Variants in GALNT17 observed in about 807,000 individuals in gnomAD.
GALNT17 encodes the protein polypeptide N-acetylgalactosaminyltransferase 17.
In GALNT17, 29 loss-of-function variants were observed where a neutral mutation model predicts 63.7. The observed-to-expected ratio is 0.46, with a 90% CI of 0.34 to 0.62. The LOEUF is 0.62. Among genes scored for constraint, GALNT17 ranks in the 20% least tolerant of loss-of-function variants. GALNT17 has a pLI of 0.01. For missense variants in GALNT17, 603 were observed against 799.6 expected, an observed-to-expected ratio of 0.75 and a Z score of 2.97; for synonymous variants, 305 against 318.3, an observed-to-expected ratio of 0.96 and a Z score of 0.45.
At chr7:71,584,441 T>C (rs1281622328) in intron 6 of GALNT17, among the ~76,000 whole-genome samples, 1 of 152,212 alleles carries the variant, frequency 6.6e-6, no homozygotes, top group Non-Finnish European at 1.5e-5. Flanking sequence ...GCTGTTTTTT[T>C]CAGTTACTGC....
At chr7:71,512,380 G>A (rs1231061199) in intron 5 of GALNT17, among the ~76,000 whole-genome samples, 1 of 152,086 alleles carries the variant, frequency 6.6e-6, no homozygotes, top group East Asian at 1.9e-4. Flanking sequence ...ACAGTGAGAG[G>A]TAGCCCAGGG....
chr7:71,460,910 T>C (rs1019764171), intron 5 of GALNT17, among the ~76,000 whole-genome samples: 3 of 152,196 alleles, frequency 2.0e-5, no homozygotes, highest in Non-Finnish European at 2.9e-5. Flanking sequence ...CCGGCTTCTT[T>C]ACTGCAACCT....
At chr7:71,579,022 C>T (rs1789584392) in intron 6 of GALNT17, among the ~76,000 whole-genome samples, 1 of 152,148 alleles carries the variant, frequency 6.6e-6, no homozygotes, top group Non-Finnish European at 1.5e-5. Context: ...CCAGAGAGGA[C>T]CAGATGATCA....
rs552056861 is a variant in GALNT17 at position 71,632,761 on chromosome 7, C to T, written c.1081-32650C>T. On this transcript the variant is annotated intron_variant, in intron 6 of 10. Transcript: ENST00000333538. ...ATTTCAACTTCTGACATTTTGCTCA[C>T]CGTGGATTTTCTGCATGATTTTTGA... is the stretch of plus-strand genomic sequence containing the variant. 1.8e-3 allele frequency among the ~76,000 whole-genome samples: 268 copies of T among 152,252 alleles called. 3 individuals are homozygous for T. The highest frequency in any genetic ancestry group is 3.2e-3 in the Non-Finnish European group (220 of 68,012).
chr7:71,667,035 G>T (rs1211086655), intron 7 of GALNT17, among the ~76,000 whole-genome samples: 4 of 152,210 alleles, frequency 2.6e-5, no homozygotes, highest in Non-Finnish European at 5.9e-5. Context: ...AGAGTGCATT[G>T]TTCGTCCTAT....
intron 5 of GALNT17, among the ~76,000 whole-genome samples, chr7:71,424,967 T>A (rs374566041): frequency 1.3e-5 from 2 of 152,306 alleles, no homozygotes; most frequent in African/African-American, 4.8e-5. Flanking sequence ...GTTTCAGTTC[T>A]TTTCCTGTTT....
At chr7:71,389,930 G>A (rs1381982189) in intron 3 of GALNT17, among the ~76,000 whole-genome samples, 1 of 152,144 alleles carries the variant, frequency 6.6e-6, no homozygotes, top group East Asian at 1.9e-4. Context: ...ACTCCTGGGA[G>A]ATCCTTGGAG....
chr7:71,200,092 A>G (rs2116364033), intron 1 of GALNT17, among the ~76,000 whole-genome samples: 1 of 152,250 alleles, frequency 6.6e-6, no homozygotes, highest in Admixed American at 6.5e-5. Flanking sequence ...TAACCCAGTA[A>G]GTACCTTTTG....
chr7:71,134,980 T>C (rs1258164502), intron 1 of GALNT17, among the ~76,000 whole-genome samples: 1 of 151,436 alleles, frequency 6.6e-6, no homozygotes, highest in East Asian at 2.0e-4. Flanking sequence ...GCCTCCCAAG[T>C]AGCTGGGTCT....
intron 1 of GALNT17, among the ~76,000 whole-genome samples, chr7:71,286,323 T>G (rs1016626731): frequency 6.6e-6 from 1 of 152,236 alleles, no homozygotes; most frequent in Non-Finnish European, 1.5e-5. Context: ...CCTGGGTGTT[T>G]TCTCTATTAG....
chr7:71,582,765 A>G (rs1789655380), intron 6 of GALNT17, among the ~76,000 whole-genome samples: 1 of 152,138 alleles, frequency 6.6e-6, no homozygotes, highest in African/African-American at 2.4e-5. Context: ...GAGCTAAGCT[A>G]TGAGGATGCA....
chr7:71,339,910 T>C (rs1442243123), intron 2 of GALNT17, among the ~76,000 whole-genome samples: 1 of 151,894 alleles, frequency 6.6e-6, no homozygotes, highest in Non-Finnish European at 1.5e-5. Flanking sequence ...ATAGAGAGAA[T>C]GGCAACTTAC....
At chr7:71,654,447 C>T (rs534569961) in intron 6 of GALNT17, among the ~76,000 whole-genome samples, 14 of 152,206 alleles carry the variant, frequency 9.2e-5, no homozygotes, top group Non-Finnish European at 1.6e-4. Context: ...GGAACTTCTT[C>T]GTCCTTGGTT....
At chr7:71,173,377 G>A (rs1403059268) in intron 1 of GALNT17, among the ~76,000 whole-genome samples, 3 of 152,192 alleles carry the variant, frequency 2.0e-5, no homozygotes, top group Non-Finnish European at 2.9e-5. Context: ...GTGATAAGGT[G>A]ATGGGTATTG....
intron 1 of GALNT17, among the ~76,000 whole-genome samples, chr7:71,138,810 C>CA (rs1220900367): frequency 6.6e-6 from 1 of 151,888 alleles, no homozygotes; most frequent in African/African-American, 2.4e-5. Context: ...CCTGTCTCTA[C>CA]AAAAAAATAC....
intron 6 of GALNT17, among the ~76,000 whole-genome samples, chr7:71,596,760 G>C (rs59946628): frequency 0.11 from 17,460 of 152,070 alleles, 1,511 homozygotes; most frequent in East Asian, 0.46. Flanking sequence ...CACAGGCACA[G>C]AGTCGGGGAC....
At chr7:71,584,135 A>G (rs1228055596) in intron 6 of GALNT17, among the ~76,000 whole-genome samples, 3 of 152,084 alleles carry the variant, frequency 2.0e-5, no homozygotes, top group Non-Finnish European at 4.4e-5. Context: ...GGGTCTCAAA[A>G]CAAACAAACA....
intron 6 of GALNT17, among the ~76,000 whole-genome samples, chr7:71,571,944 C>T (rs542094196): frequency 6.6e-6 from 1 of 151,968 alleles, no homozygotes; most frequent in South Asian, 2.1e-4. Context: ...CCCAGGAGTT[C>T]GAGGCTGCAG....
intron 6 of GALNT17, among the ~76,000 whole-genome samples, chr7:71,590,833 T>A (rs1212416393): frequency 2.0e-5 from 3 of 152,074 alleles, no homozygotes; most frequent in Non-Finnish European, 2.9e-5. Context: ...GTTCAAGCGA[T>A]TCTCCAGCCT....
Sources: allele counts gnomAD v4.1 joint callset (sites outside exome capture counted in the v4.1 genomes callset), GRCh38; gene constraint gnomAD v4.1.1; transcripts MANE v1.5; gene names NCBI Gene and HGNC (gene_info 2026-07-23, HGNC 2026-07-21).